Variants in TRPM6 observed in about 807,000 individuals in gnomAD.
The protein encoded by TRPM6 is transient receptor potential cation channel subfamily M member 6.
A neutral mutation model predicts 247.6 loss-of-function variants in TRPM6; 111 were observed. The ratio of observed to expected loss-of-function variants is 0.45; its 90% CI spans 0.38 to 0.52. TRPM6 has a LOEUF of 0.52. Ranked by LOEUF, TRPM6 falls within the 20% of genes least tolerant of loss-of-function variation. The pLI is 0.00. For missense variants in TRPM6, 2,126 were observed against 2,421.5 expected (o/e 0.88, Z 2.56); for synonymous variants, 892 against 853.8 (o/e 1.04, Z -0.78).
chr9:74,798,651 T>G (rs184783642), intron 17 of TRPM6, among the ~76,000 whole-genome samples: 121 of 152,286 alleles, frequency 7.9e-4, no homozygotes, highest in Middle Eastern at 3.4e-3. Flanking sequence ...ACAGTATTCT[T>G]CTACTTGGAA....
intron 3 of TRPM6, among the ~76,000 whole-genome samples, chr9:74,845,499 A>G (rs1830080570): frequency 6.6e-6 from 1 of 152,216 alleles, no homozygotes; most frequent in African/African-American, 2.4e-5. Context: ...ATGGAAAAAC[A>G]TTGAAGACAT....
intron 27 of TRPM6, 70 bp from the exon 28 acceptor site, chr9:74,755,543 A>G: frequency 1.3e-6 from 2 of 1,587,294 alleles, no homozygotes; most frequent in Admixed American, 1.7e-5. Flanking sequence ...CACTAACAGA[A>G]GCACCATGGT....
chr9:74,804,525 G>T, intron 14 of TRPM6: 1 of 723,392 alleles, frequency 1.4e-6, no homozygotes, highest in Admixed American at 1.8e-5. Context: ...TGAAAAAGAA[G>T]AGCAGGCTGC....
chr9:74,747,878 G>T lies in TRPM6; in HGVS notation c.5083+11C>A. 1 of 1,602,682 alleles carries T rather than the reference G, an allele frequency of 6.2e-7. No homozygotes were observed. The highest frequency in any genetic ancestry group is 1.1e-5 in the South Asian group (1 of 89,416). On this transcript the variant is annotated intron_variant, in intron 31 of 38. Coordinates refer to ENST00000360774, the MANE Select transcript of TRPM6 (RefSeq NM_017662.5). ...AAATAAAAAATAAAATGTTTAAACA[G>T]AAAAACTTACTGTCAACTCCAATTG...
intron 3 of TRPM6, among the ~76,000 whole-genome samples, chr9:74,847,188 C>G (rs1830138112): frequency 1.3e-5 from 2 of 152,170 alleles, no homozygotes; most frequent in South Asian, 4.1e-4. Context: ...TTATAACATT[C>G]TCACTTTTTA....
chr9:74,786,709 C>T (rs1362797418), intron 20 of TRPM6, among the ~76,000 whole-genome samples: 2 of 152,116 alleles, frequency 1.3e-5, no homozygotes, highest in Non-Finnish European at 2.9e-5. Context: ...CACCGCACTC[C>T]AGCCTGGGTG....
intron 1 of TRPM6, among the ~76,000 whole-genome samples, chr9:74,860,279 C>T (rs970687434): frequency 4.6e-5 from 7 of 152,072 alleles, no homozygotes; most frequent in African/African-American, 1.7e-4. Flanking sequence ...ACTAAATTGG[C>T]AAAACACTAA....
intron 1 of TRPM6, among the ~76,000 whole-genome samples, chr9:74,870,938 A>G (rs553972017): frequency 1.3e-5 from 2 of 152,300 alleles, no homozygotes; most frequent in Non-Finnish European, 2.9e-5. Flanking sequence ...GTCTCAAAAA[A>G]AAAGAAAAGA....
At chr9:74,827,683 G>A in intron 7 of TRPM6, 95 bp downstream of exon 7, 9 of 1,319,532 alleles carry the variant, frequency 6.8e-6, no homozygotes, top group Non-Finnish European at 9.9e-6. Context: ...AGCTTGAGGG[G>A]ACTAGGAGAG....
chr9:74,783,674 T>C (rs879725463), intron 21 of TRPM6, among the ~76,000 whole-genome samples: 5 of 152,342 alleles, frequency 3.3e-5, no homozygotes, highest in Middle Eastern at 3.4e-3. Flanking sequence ...TGCTAAGTCA[T>C]TGAAATATAT....
intron 9 of TRPM6, among the ~76,000 whole-genome samples, chr9:74,817,395 G>T (rs1356643116): frequency 6.6e-6 from 1 of 151,866 alleles, no homozygotes; most frequent in African/African-American, 2.4e-5. Context: ...TCACTATATT[G>T]CCCAAGCTGG....
At chr9:74,764,572 T>C (rs1192824900) in intron 25 of TRPM6, among the ~76,000 whole-genome samples, 1 of 152,238 alleles carries the variant, frequency 6.6e-6, no homozygotes, top group Non-Finnish European at 1.5e-5. Flanking sequence ...TTTGGACTTC[T>C]AGCTTCCAGA....
At chr9:74,831,445 G>A (rs1300373716) in intron 6 of TRPM6, among the ~76,000 whole-genome samples, 12 of 152,000 alleles carry the variant, frequency 7.9e-5, no homozygotes, top group South Asian at 2.1e-4. Flanking sequence ...AGCTGAGATC[G>A]TGCCACCACA....
chr9:74,761,462 C>A (rs1826628314), intron 27 of TRPM6, among the ~76,000 whole-genome samples: 2 of 152,150 alleles, frequency 1.3e-5, no homozygotes, highest in Admixed American at 6.5e-5. Context: ...GTAGTCCCAG[C>A]TACTTGGGAG....
At chr9:74,811,830 T>A (rs1020459918) in intron 12 of TRPM6, among the ~76,000 whole-genome samples, 1 of 152,100 alleles carries the variant, frequency 6.6e-6, no homozygotes, top group Admixed American at 6.5e-5. Context: ...TAAGAATAAT[T>A]TACTGACAAC....
chr9:74,848,253 T>C (rs1830172662), intron 3 of TRPM6, among the ~76,000 whole-genome samples: 1 of 152,164 alleles, frequency 6.6e-6, no homozygotes. Context: ...CATGTCCAAA[T>C]TGCCTGCATC....
chr9:74,878,240 G>A (rs1273021158), intron 1 of TRPM6, among the ~76,000 whole-genome samples: 1 of 151,998 alleles, frequency 6.6e-6, no homozygotes, highest in Admixed American at 6.6e-5. Context: ...ACTGTCCAGG[G>A]GCTCAAGGAC....
At chr9:74,820,513 C>A in intron 8 of TRPM6, 86 bp from the exon 9 acceptor site, 2 of 1,527,764 alleles carry the variant, frequency 1.3e-6, no homozygotes, top group Non-Finnish European at 1.8e-6. Context: ...CCATCAGCTC[C>A]CCAGACTGAA....
chr9:74,883,542 CTGAT>C (rs1012349262), intron 1 of TRPM6, among the ~76,000 whole-genome samples: 1 of 152,128 alleles, frequency 6.6e-6, no homozygotes, highest in Non-Finnish European at 1.5e-5. Flanking sequence ...GTATTTGTGA[CTGAT>C]TGTGAAGAGA....
Sources: gnomAD v4.1 joint callset for allele counts (sites outside exome capture counted in the v4.1 genomes callset) on GRCh38, gnomAD v4.1.1 for gene constraint, MANE v1.5 for transcripts, NCBI Gene and HGNC (gene_info 2026-07-23, HGNC 2026-07-21) for gene names.